Variants in GDF6 observed in about 807,000 individuals in gnomAD.
GDF6 encodes the protein growth/differentiation factor 6.
In GDF6, 3 loss-of-function variants were observed where a neutral mutation model predicts 32.4. The observed-to-expected ratio is 0.09, with a 90% CI of 0.04 to 0.24. The LOEUF (loss-of-function observed/expected upper bound fraction) is 0.24, where lower values mean the gene tolerates loss of function less well. Among genes scored for constraint, GDF6 ranks in the 10% least tolerant of loss-of-function variants. The probability of loss-of-function intolerance (pLI) is 1.00; values close to 1 mark genes in which losing one functional copy is unlikely to be tolerated. For missense variants in GDF6, 589 were observed against 637.9 expected (o/e 0.92, Z 0.83); for synonymous variants, 296 against 295.3 (o/e 1.00, Z -0.03).
intron 1 of GDF6, among the ~76,000 whole-genome samples, chr8:96,148,810 G>T (rs1027292886): frequency 6.6e-6 from 1 of 152,082 alleles, no homozygotes; most frequent in African/African-American, 2.4e-5. Context: ...TATCCTTTCA[G>T]CCACAAGTTC....
At chr8:96,147,012 AC>A (rs2130212159) in intron 1 of GDF6, among the ~76,000 whole-genome samples, 1 of 152,262 alleles carries the variant, frequency 6.6e-6, no homozygotes, top group East Asian at 1.9e-4. Context: ...AATATTTACA[AC>A]CCAGCAAATA....
intron 1 of GDF6, among the ~76,000 whole-genome samples, chr8:96,157,500 C>A (rs1382808482): frequency 6.6e-6 from 1 of 152,056 alleles, no homozygotes; most frequent in Non-Finnish European, 1.5e-5. Flanking sequence ...CCTTGGGGGA[C>A]CCCCGGCTCC....
At position 96,144,290 on chromosome 8, in the gene GDF6, G is replaced by GAA. The variant is rs112042997; in HGVS notation, c.*271_*272dup. The stretch of plus-strand genomic sequence containing the variant: ...AGAGAGAGAGAGAGAGAGAGAGAGA[G>GAA]AAAACAGAACAAAAGAAATCCTCCT... On this transcript the variant is annotated 3_prime_UTR_variant, in exon 2 of 2. Transcript: ENST00000287020. This position sits in a 1 kb window ranked among gnomAD's most constrained non-coding sequence, Gnocchi z 5.1. The GAA allele has an allele frequency of 2.0e-4, 89 of 439,222 alleles. No individual in the cohort carries two copies. The highest frequency in any genetic ancestry group is 1.3e-3 in the Middle Eastern group (2 of 1,546). 27.2% of individuals were successfully genotyped at this position (439,222 alleles called of 1,614,324 possible). A position where few individuals can be genotyped will look rare whatever the true frequency, so the allele number is the denominator to read the frequency against.
Position 96,153,657 on chromosome 8 carries a change from G to A in GDF6, c.406+6630C>T, listed in dbSNP as rs571993056. Among the ~76,000 whole-genome samples, 18 of 152,338 alleles carry A rather than the reference G, an allele frequency of 1.2e-4. No homozygotes were observed. In the East Asian group the frequency reaches 3.3e-3, roughly 28 times the overall value. ...AGCTGGAATATGATCGGGCTGCATGGCTTCAGTTTTGAGATCAAAAGTAGA... is the reference window on the plus strand; with the variant it reads ...AGCTGGAATATGATCGGGCTGCATGACTTCAGTTTTGAGATCAAAAGTAGA... On this transcript the variant is annotated intron_variant, in intron 1 of 1. Coordinates refer to ENST00000287020, the MANE Select transcript of GDF6 (RefSeq NM_001001557.4).
Position 96,144,242 on chromosome 8 carries a change from A to AGAGAGAGAGAG in GDF6, c.*320_*321insCTCTCTCTCTC, listed in dbSNP as rs1812418657. On this transcript the variant is annotated 3_prime_UTR_variant, in exon 2 of 2. Coordinates refer to ENST00000287020, the MANE Select transcript of GDF6 (RefSeq NM_001001557.4). This position sits in a 1 kb window ranked among gnomAD's most constrained non-coding sequence, Gnocchi z 5.1. ...ACATAAGGAAATCCAAAGCCACAGT[A>AGAGAGAGAGAG]ATAGAGAGAGAGAGAGAGAGAGAGA... The AGAGAGAGAGAG allele has an allele frequency of 5.3e-6, 1 of 189,730 alleles. No individual in the cohort carries two copies. Among genetic ancestry groups the AGAGAGAGAGAG allele is most frequent in the African/African-American group, 5.8e-5 (1 of 17,324 alleles). 11.8% of individuals were successfully genotyped at this position (189,730 alleles called of 1,614,324 possible).
At chr8:96,157,659 G>GT (rs1332655981) in intron 1 of GDF6, among the ~76,000 whole-genome samples, 2 of 152,204 alleles carry the variant, frequency 1.3e-5, no homozygotes, top group East Asian at 3.9e-4. Context: ...CCCTAGGGGG[G>GT]TTGGCGCGGT....
chr8:96,152,632 G>C (rs1033096870), intron 1 of GDF6, among the ~76,000 whole-genome samples: 3 of 152,190 alleles, frequency 2.0e-5, no homozygotes, highest in Non-Finnish European at 4.4e-5. Flanking sequence ...TGTCACTTTC[G>C]AAGGTTTCGT....
At chr8:96,153,259 C>G (rs1812599685) in intron 1 of GDF6, among the ~76,000 whole-genome samples, 1 of 152,272 alleles carries the variant, frequency 6.6e-6, no homozygotes, top group Non-Finnish European at 1.5e-5. Context: ...GTTAATGACC[C>G]TGATGGCTGC....
intron 1 of GDF6, among the ~76,000 whole-genome samples, chr8:96,155,674 A>G (rs1812649135): frequency 6.6e-6 from 1 of 152,102 alleles, no homozygotes; most frequent in African/African-American, 2.4e-5. Flanking sequence ...CTAGATTGGA[A>G]CCTTCTGCCC....
intron 1 of GDF6, among the ~76,000 whole-genome samples, chr8:96,149,530 G>A (rs1812534221): frequency 6.6e-6 from 1 of 152,158 alleles, no homozygotes; most frequent in Non-Finnish European, 1.5e-5. Context: ...CAACGAGTTG[G>A]TAAAAGGCTG....
At chr8:96,155,796 T>G (rs1209025909) in intron 1 of GDF6, among the ~76,000 whole-genome samples, 1 of 152,166 alleles carries the variant, frequency 6.6e-6, no homozygotes, top group Non-Finnish European at 1.5e-5. Flanking sequence ...CCGTCCCCAT[T>G]AAAATACTTC....
At chr8:96,159,176 T>C (rs1812718989) in intron 1 of GDF6, among the ~76,000 whole-genome samples, 1 of 152,208 alleles carries the variant, frequency 6.6e-6, no homozygotes, top group East Asian at 1.9e-4. Flanking sequence ...GGAGTGGATA[T>C]CTGCCTAAAT....
rs1812406630 is a variant in GDF6 at position 96,143,474 on chromosome 8, T to G, written c.*1089A>C. 6.5e-6 allele frequency: 1 copy of G among 152,778 alleles called. No homozygotes were observed. Among genetic ancestry groups the G allele is most frequent in the African/African-American group, 2.4e-5 (1 of 41,470 alleles). The allele number at this position is 152,778 out of a possible 1,614,324, so 9.5% of individuals were successfully genotyped here. On this transcript the variant is annotated 3_prime_UTR_variant, in exon 2 of 2. Coordinates refer to ENST00000287020, the MANE Select transcript of GDF6 (RefSeq NM_001001557.4). ...TCCCTCCTGATGGGACTCCTTCTAC[T>G]TCTTGGTTCCTTTTCCCTCCTTTGT...
intron 1 of GDF6, among the ~76,000 whole-genome samples, chr8:96,150,275 T>A (rs1369278992): frequency 2.6e-5 from 4 of 151,798 alleles, no homozygotes; most frequent in Admixed American, 6.6e-5. Context: ...TGGCCAGGCG[T>A]CCCGCCACGC....
chr8:96,144,502 C>A lies in GDF6; in HGVS notation c.*61G>T, dbSNP rs1044287479. ...CCTCCGCCTCTCTGCAGCCAGGCCTCCCCTGCAAGGCGGACCTTGGCCCAC... is the reference window on the plus strand; with the variant it reads ...CCTCCGCCTCTCTGCAGCCAGGCCTACCCTGCAAGGCGGACCTTGGCCCAC... On this transcript the variant is annotated 3_prime_UTR_variant, in exon 2 of 2. Transcript: ENST00000287020. The surrounding 1 kb of genome is among the most constrained non-coding windows in gnomAD (Gnocchi z 5.1). The A allele has an allele frequency of 8.2e-6, 13 of 1,588,758 alleles. No individual in the cohort carries two copies. Among genetic ancestry groups the A allele is most frequent in the Non-Finnish European group, 1.0e-5 (12 of 1,168,380 alleles).
At chr8:96,152,155 C>T (rs541232369) in intron 1 of GDF6, among the ~76,000 whole-genome samples, 12 of 152,328 alleles carry the variant, frequency 7.9e-5, no homozygotes, top group South Asian at 6.2e-4. Context: ...AAGATGAAGA[C>T]GCTTCCAGTT....
intron 1 of GDF6, among the ~76,000 whole-genome samples, chr8:96,149,591 A>G (rs1812534796): frequency 6.6e-6 from 1 of 152,234 alleles, no homozygotes; most frequent in South Asian, 2.1e-4. Context: ...AAAATTTAAA[A>G]GAGGGGAGAT....
At chr8:96,156,838 G>A (rs1563513390) in intron 1 of GDF6, among the ~76,000 whole-genome samples, 1 of 152,108 alleles carries the variant, frequency 6.6e-6, no homozygotes, top group Non-Finnish European at 1.5e-5. Context: ...TATTAGACTG[G>A]GGGAAAATCT....
rs561421783 is a variant in GDF6 at position 96,145,116 on chromosome 8, G to A, written c.815C>T (p.Pro272Leu). ...TACCACCAGCAGGGCCCGCTCCTGG[G>A]GAGGCCGCACCCTCCGGCCGAAGCC... ...SLGFGRRVRP[P>L]QERALLVVFT... The change falls in exon 2 of 2, where the codon CCC becomes CTC. Residue 272 changes from proline to leucine, a missense_variant. Pro to Leu is a moderately conservative substitution (Grantham distance 98). Around this residue, in one of 2 missense-constraint regions of GDF6, gnomAD observed 436 missense variants for 411.2 expected, o/e 1.06. Transcript: ENST00000287020. This position sits in a 1 kb window ranked among gnomAD's most constrained non-coding sequence, Gnocchi z 5.6. The A allele has an allele frequency of 9.4e-5, 143 of 1,524,386 alleles. 1 individual carries two copies. Among genetic ancestry groups the A allele is most frequent in the Admixed American group, 4.7e-4 (24 of 51,146 alleles). The allele number at this position is 1,524,386 out of a possible 1,614,324, so 94.4% of individuals were successfully genotyped here.
Sources: allele counts gnomAD v4.1 joint callset (sites outside exome capture counted in the v4.1 genomes callset), GRCh38; gene constraint gnomAD v4.1.1; regional missense constraint gnomAD v4.1.1; non-coding constraint Gnocchi (gnomAD v3.1); transcripts MANE v1.5; gene names NCBI Gene and HGNC (gene_info 2026-07-23, HGNC 2026-07-21).